The following RHBDL3 variants were observed in gnomAD, a reference collection of about 807,000 sequenced individuals.
RHBDL3 encodes the protein rhomboid like 3.
RHBDL3 carries 28 observed loss-of-function variants against 48.2 expected under a neutral mutation model. That is an observed-to-expected ratio of 0.58 (90% CI 0.43 to 0.80). The LOEUF (loss-of-function observed/expected upper bound fraction) is 0.80, where lower values mean the gene tolerates loss of function less well. Ranked by LOEUF, RHBDL3 falls within the 30% of genes least tolerant of loss-of-function variation. RHBDL3 has a pLI of 0.00. For missense variants in RHBDL3, 464 were observed against 542.7 expected, an observed-to-expected ratio of 0.85 and a Z score of 1.44; for synonymous variants, 208 against 232.3, an observed-to-expected ratio of 0.90 and a Z score of 0.95.
chr17:32,307,435 C>A (rs1465336184), intron 7 of RHBDL3, among the ~76,000 whole-genome samples: 1 of 152,218 alleles, frequency 6.6e-6, no homozygotes. Flanking sequence ...CCTTATCAAT[C>A]TCTCTGTCAC....
intron 2 of RHBDL3, among the ~76,000 whole-genome samples, chr17:32,273,308 G>A (rs931058726): frequency 2.0e-5 from 3 of 152,178 alleles, no homozygotes; most frequent in South Asian, 2.1e-4. Context: ...AGCCCAGTCC[G>A]CTCATTTTGC....
At chr17:32,275,233 G>A (rs1417841925) in intron 2 of RHBDL3, among the ~76,000 whole-genome samples, 2 of 152,180 alleles carry the variant, frequency 1.3e-5, no homozygotes, top group South Asian at 2.1e-4. Flanking sequence ...GCCATGACTC[G>A]GCTTCAGTCC....
chr17:32,311,304 T>A (rs1302794594), intron 7 of RHBDL3, among the ~76,000 whole-genome samples: 2 of 152,250 alleles, frequency 1.3e-5, no homozygotes, highest in Non-Finnish European at 1.5e-5. Context: ...TTCTCTCCCG[T>A]TGTTTCAGTG....
chr17:32,309,483 T>C (rs183659381), intron 7 of RHBDL3, among the ~76,000 whole-genome samples: 1 of 150,952 alleles, frequency 6.6e-6, no homozygotes, highest in Admixed American at 6.6e-5. Context: ...ACCCAGGAGG[T>C]GGAGGTTGTG....
intron 4 of RHBDL3, among the ~76,000 whole-genome samples, chr17:32,292,780 C>T (rs542010916): frequency 1.3e-4 from 16 of 127,198 alleles, no homozygotes; most frequent in Admixed American, 3.9e-4. Flanking sequence ...CCAGCCTGGG[C>T]GACAGAGCGA....
chr17:32,292,145 A>G (rs2040346107), intron 4 of RHBDL3, among the ~76,000 whole-genome samples: 1 of 152,174 alleles, frequency 6.6e-6, no homozygotes, highest in Non-Finnish European at 1.5e-5. Flanking sequence ...TACATTTTAG[A>G]AGGAGTCCCA....
intron 7 of RHBDL3, among the ~76,000 whole-genome samples, chr17:32,314,416 C>G (rs1250281987): frequency 6.6e-6 from 1 of 150,928 alleles, no homozygotes; most frequent in East Asian, 2.0e-4. Flanking sequence ...GAGTCTGGCT[C>G]AAGTAATCCA....
chr17:32,283,632 C>G (rs1048485798), intron 2 of RHBDL3, among the ~76,000 whole-genome samples: 6 of 152,148 alleles, frequency 3.9e-5, no homozygotes, highest in Non-Finnish European at 7.3e-5. Flanking sequence ...CCGATCCTGC[C>G]TTTTCTAACT....
intron 6 of RHBDL3, among the ~76,000 whole-genome samples, chr17:32,301,451 T>C (rs1447089779): frequency 6.7e-6 from 1 of 150,266 alleles, no homozygotes; most frequent in Non-Finnish European, 1.5e-5. Flanking sequence ...ATAGATTATA[T>C]AGATTACTAA....
At chr17:32,299,308 C>G (rs1046913739) in intron 6 of RHBDL3, among the ~76,000 whole-genome samples, 2 of 152,128 alleles carry the variant, frequency 1.3e-5, no homozygotes, top group Non-Finnish European at 2.9e-5. Flanking sequence ...GTGCATGAAC[C>G]CTTGGCCTGG....
intron 7 of RHBDL3, 33 bp downstream of exon 7, chr17:32,305,474 G>A (rs1280571690): frequency 1.4e-6 from 2 of 1,444,694 alleles, no homozygotes; most frequent in Non-Finnish European, 1.9e-6. Flanking sequence ...GTGTCTTTCT[G>A]GCCCTGTCCT....
chr17:32,284,242 C>T (rs2040140036), intron 2 of RHBDL3: 1 of 157,582 alleles, frequency 6.3e-6, no homozygotes, highest in African/African-American at 2.4e-5. Flanking sequence ...GGCATCCCCC[C>T]TGGGGTCCCT....
At position 32,321,641 on chromosome 17, in the gene RHBDL3, G is replaced by A. The variant is rs1191441867; in HGVS notation, c.*412G>A. Reference sequence around the variant, plus strand: ...CATGGGAAGGCTCGAAGGTTGTTGCGTCCAGGCATGGCCCCTCTCTAGCTC... The same window carrying A: ...CATGGGAAGGCTCGAAGGTTGTTGCATCCAGGCATGGCCCCTCTCTAGCTC... On this transcript the variant is annotated 3_prime_UTR_variant, in exon 9 of 9. Transcript: ENST00000269051. 1 of 330,010 alleles carries A rather than the reference G, an allele frequency of 3.0e-6. No homozygotes were observed. Among genetic ancestry groups the A allele is most frequent in the African/African-American group, 2.1e-5 (1 of 47,096 alleles). The allele number at this position is 330,010 out of a possible 1,614,324, so 20.4% of individuals were successfully genotyped here.
At chr17:32,292,542 C>T (rs970234809) in intron 4 of RHBDL3, among the ~76,000 whole-genome samples, 11 of 152,108 alleles carry the variant, frequency 7.2e-5, no homozygotes, top group South Asian at 2.1e-4. Context: ...GGAGGGCTCA[C>T]GCTGGTAATA....
chr17:32,301,944 T>G (rs746883590), intron 6 of RHBDL3, among the ~76,000 whole-genome samples: 4 of 152,362 alleles, frequency 2.6e-5, no homozygotes, highest in Middle Eastern at 3.4e-3. Context: ...CTTTAAAATT[T>G]TCTGGGCTAA....
intron 6 of RHBDL3, among the ~76,000 whole-genome samples, chr17:32,304,806 A>G (rs2040669983): frequency 6.6e-6 from 1 of 152,206 alleles, no homozygotes; most frequent in Non-Finnish European, 1.5e-5. Flanking sequence ...TCTTTCAGCC[A>G]GAAATTAATC....
chr17:32,273,373 A>G (rs187738679), intron 2 of RHBDL3, among the ~76,000 whole-genome samples: 2 of 152,376 alleles, frequency 1.3e-5, no homozygotes, highest in Non-Finnish European at 2.9e-5. Context: ...CAATACAGCC[A>G]GAGCGGAGAC....
chr17:32,285,129 GGAGA>G (rs1346211911), intron 3 of RHBDL3, among the ~76,000 whole-genome samples: 2 of 150,068 alleles, frequency 1.3e-5, no homozygotes, highest in South Asian at 2.2e-4. Context: ...AGGGAGGGAG[GGAGA>G]GAGAGAGGGA....
At chr17:32,293,176 G>GGGC (rs386385909) in intron 4 of RHBDL3, among the ~76,000 whole-genome samples, 8 of 151,742 alleles carry the variant, frequency 5.3e-5, no homozygotes, top group East Asian at 1.9e-4. Flanking sequence ...TGGAGGGAGG[G>GGGC]GGTGGGGCGT....
Sources: gnomAD v4.1 joint callset for allele counts (sites outside exome capture counted in the v4.1 genomes callset) on GRCh38, gnomAD v4.1.1 for gene constraint, MANE v1.5 for transcripts, NCBI Gene and HGNC (gene_info 2026-07-23, HGNC 2026-07-21) for gene names.